The following SYNE1 variants were observed in gnomAD, a reference collection of about 807,000 sequenced individuals.
The protein encoded by SYNE1 is nesprin-1.
A neutral mutation model predicts 1,111.0 loss-of-function variants in SYNE1; 616 were observed. The observed-to-expected ratio is 0.55, with a 90% CI of 0.52 to 0.59. The LOEUF (loss-of-function observed/expected upper bound fraction) is 0.59, where lower values mean the gene tolerates loss of function less well. SYNE1 is among the 20% of genes least tolerant of loss of function. The probability of loss-of-function intolerance (pLI) is 0.00; values close to 1 mark genes in which losing one functional copy is unlikely to be tolerated. For missense variants in SYNE1, 10,006 were observed against 10,417.0 expected, an observed-to-expected ratio of 0.96 and a Z score of 1.72; for synonymous variants, 3,855 against 3,825.8, an observed-to-expected ratio of 1.01 and a Z score of -0.28.
chr6:152,499,088 C>T (rs1196911562), intron 10 of SYNE1, among the ~76,000 whole-genome samples: 1 of 151,882 alleles, frequency 6.6e-6, no homozygotes, highest in Non-Finnish European at 1.5e-5. Flanking sequence ...AGAAGGTAAA[C>T]TATGTAAAGA....
rs771221504 is a variant in SYNE1 at position 152,148,238 on chromosome 6, G to A, written c.24783C>T (p.Leu8261=). ...ACCGCTCGCTCCGGAGGGGCTGAGC[G>A]AGCGAGAGGGAGAGATTGGAGGAAG... ...PQPSSNLSLS[L]AQPLRSERSG... Residue 8261 remains leucine (L), a synonymous_variant, in exon 137 of 146, where the codon CTC becomes CTT. Coordinates refer to ENST00000367255, the MANE Select transcript of SYNE1 (RefSeq NM_182961.4). This position sits in a 1 kb window ranked among gnomAD's most constrained non-coding sequence, Gnocchi z 4.1. 57 of 1,613,764 alleles carry A rather than the reference G, an allele frequency of 3.5e-5. No homozygotes were observed. The highest frequency in any genetic ancestry group is 8.9e-5 in the East Asian group (4 of 44,864).
intron 137 of SYNE1, chr6:152,147,796 G>A (rs2059779397): frequency 1.0e-5 from 5 of 484,158 alleles, no homozygotes; most frequent in South Asian, 1.0e-4. Flanking sequence ...AGAAGAAGAG[G>A]AACTGTGTAT....
chr6:152,545,942 C>A (rs2099310333), intron 3 of SYNE1: 2 of 152,024 alleles, frequency 1.3e-5, no homozygotes, highest in African/African-American at 4.8e-5. Flanking sequence ...GGCAAATACA[C>A]CTCAATAAAA....
intron 32 of SYNE1, 141 bp downstream of exon 32, chr6:152,440,989 G>T (rs2098524730): frequency 9.6e-7 from 1 of 1,041,044 alleles, no homozygotes; most frequent in Non-Finnish European, 1.4e-6. Flanking sequence ...TCTCCAATAT[G>T]TTGAAAGAAT....
intron 3 of SYNE1, among the ~76,000 whole-genome samples, chr6:152,553,872 C>T (rs1441762241): frequency 6.6e-6 from 1 of 152,132 alleles, no homozygotes; most frequent in Non-Finnish European, 1.5e-5. Context: ...AGAATTAGGA[C>T]ACAGGGAGAT....
chr6:152,303,048 C>T (rs537068853), intron 91 of SYNE1, among the ~76,000 whole-genome samples: 8 of 149,480 alleles, frequency 5.4e-5, no homozygotes, highest in African/African-American at 1.7e-4. Context: ...CTTTAAAAAA[C>T]GAAAATACAT....
intron 91 of SYNE1, among the ~76,000 whole-genome samples, chr6:152,308,067 A>G (rs1418853866): frequency 2.0e-5 from 3 of 152,104 alleles, no homozygotes; most frequent in Non-Finnish European, 4.4e-5. Flanking sequence ...TCCTGACCTC[A>G]TGATCCACCC....
intron 3 of SYNE1, among the ~76,000 whole-genome samples, chr6:152,544,763 T>C (rs1476573644): frequency 2.0e-5 from 3 of 152,204 alleles, no homozygotes; most frequent in African/African-American, 7.2e-5. Context: ...GTTATACTAA[T>C]AGTCACCTGC....
chr6:152,269,649 T>C (rs1189509126), intron 98 of SYNE1, among the ~76,000 whole-genome samples: 2 of 152,168 alleles, frequency 1.3e-5, no homozygotes, highest in African/African-American at 4.8e-5. Flanking sequence ...AGGTAAACTG[T>C]TTCTCAAATG....
In SYNE1 at chr6:152,401,004, A is replaced by G. The variant is rs1257264503; in HGVS notation, c.7029+134T>C. ...CGTGTTGCTTACTTTGCTGTGTTCA[A>G]TGTCATAAATAAGTTGGTCTGGTGT... On this transcript the variant is annotated intron_variant, in intron 47 of 145. Transcript: ENST00000367255. The G allele has an allele frequency of 4.9e-6, 4 of 808,720 alleles. 1 individual carries two copies. The highest frequency in any genetic ancestry group is 2.7e-5 in the East Asian group (1 of 37,582). The allele number at this position is 808,720 out of a possible 1,614,324, so 50.1% of individuals were successfully genotyped here.
chr6:152,537,169 C>G (rs1317984374), intron 4 of SYNE1, among the ~76,000 whole-genome samples: 1 of 152,032 alleles, frequency 6.6e-6, no homozygotes, highest in Non-Finnish European at 1.5e-5. Flanking sequence ...AGCCCCATCC[C>G]TGAAAGAAAT....
chr6:152,232,257 C>T lies in SYNE1; in HGVS notation c.20721G>A (p.Met6907Ile). The change falls in exon 113 of 146, where the codon ATG becomes ATA. Residue 6907 changes from methionine (M) to isoleucine (I), a missense_variant. Around this residue, in one of 7 missense-constraint regions of SYNE1, gnomAD observed 2,182 missense variants for 2,287.8 expected, o/e 0.95. Coordinates refer to ENST00000367255, the MANE Select transcript of SYNE1 (RefSeq NM_182961.4). ...TGGCATGGCGGGAAGGCAGTTTATC[C>T]ATCTGGAGCTGTCCAAGTCAGGGAG... ...AVQEKLHQLQMDKLPSRHAIS... is the reference protein window; with the variant it reads ...AVQEKLHQLQIDKLPSRHAIS... 1 of 1,613,840 alleles carries T rather than the reference C, an allele frequency of 6.2e-7. No individual in the cohort carries two copies. The highest frequency in any genetic ancestry group is 1.1e-5 in the South Asian group (1 of 91,074).
At chr6:152,373,408 T>C (rs1375840679) in intron 58 of SYNE1, among the ~76,000 whole-genome samples, 189 bp from the exon 59 acceptor site, 2 of 152,070 alleles carry the variant, frequency 1.3e-5, no homozygotes, top group Non-Finnish European at 2.9e-5. Flanking sequence ...GCCTCCCAAG[T>C]AGCTGGGACT....
At chr6:152,559,373 T>C (rs535890639) in intron 3 of SYNE1, among the ~76,000 whole-genome samples, 57 of 152,300 alleles carry the variant, frequency 3.7e-4, no homozygotes, top group Non-Finnish European at 7.9e-4. Context: ...AATGCTGTGA[T>C]TACAGGCATG....
chr6:152,302,654 A>AC (rs1346530044), intron 91 of SYNE1, among the ~76,000 whole-genome samples: 1 of 151,984 alleles, frequency 6.6e-6, no homozygotes, highest in Non-Finnish European at 1.5e-5. Flanking sequence ...ATGCAGATTG[A>AC]CCCCCCAAAA....
At position 152,301,863 on chromosome 6, in the gene SYNE1, C is replaced by G; in HGVS notation, c.17541+6G>C. 6.2e-7 allele frequency: 1 copy of G among 1,608,856 alleles called. No homozygotes were observed. Among genetic ancestry groups the G allele is most frequent in the Non-Finnish European group, 8.5e-7 (1 of 1,176,332 alleles). On this transcript the variant is annotated splice_donor_region_variant and intron_variant, in intron 92 of 145. Coordinates refer to ENST00000367255, the MANE Select transcript of SYNE1 (RefSeq NM_182961.4). ...GCAAAGCCGCGGGGACCCACTGGATCCTTACCATGACCACAGAGGGGTGGG... is the reference window on the plus strand; with the variant it reads ...GCAAAGCCGCGGGGACCCACTGGATGCTTACCATGACCACAGAGGGGTGGG...
At chr6:152,409,786 T>A (rs1328365565) in intron 42 of SYNE1, 77 bp from the exon 43 acceptor site, 14 of 1,465,898 alleles carry the variant, frequency 9.6e-6, no homozygotes, top group Non-Finnish European at 1.3e-5. Flanking sequence ...TTGGACTTGA[T>A]GTTTCACTAC....
intron 3 of SYNE1, among the ~76,000 whole-genome samples, chr6:152,569,685 C>T (rs893835046): frequency 5.3e-5 from 8 of 152,058 alleles, no homozygotes; most frequent in African/African-American, 1.9e-4. Context: ...CAAGCTGCAT[C>T]CAAAATACTC....
chr6:152,133,672 T>C, intron 142 of SYNE1, 184 bp from the exon 143 acceptor site: 1 of 638,792 alleles, frequency 1.6e-6, no homozygotes, highest in Non-Finnish European at 2.7e-6. Context: ...CTGCCAAAAA[T>C]ATTCTATAAG....
Sources: gnomAD v4.1 joint callset for allele counts (sites outside exome capture counted in the v4.1 genomes callset) on GRCh38, gnomAD v4.1.1 for gene constraint, gnomAD v4.1.1 regional missense constraint, Gnocchi (gnomAD v3.1) non-coding constraint, MANE v1.5 for transcripts, NCBI Gene and HGNC (gene_info 2026-07-23, HGNC 2026-07-21) for gene names.